ANO6: variants seen among roughly 807,000 people sequenced by gnomAD.
The protein encoded by ANO6 is anoctamin 6.
Under a neutral mutation model 117.5 loss-of-function variants are expected in ANO6, and 106 were observed. The observed-to-expected ratio is 0.90, with a 90% CI of 0.77 to 1.06. The LOEUF (loss-of-function observed/expected upper bound fraction) is 1.06. Among genes scored for constraint, ANO6 ranks in the 50% least tolerant of loss-of-function variants. The pLI is 0.00. For missense variants in ANO6, 955 were observed against 1,121.1 expected (o/e 0.85, Z 2.12); for synonymous variants, 367 against 385.1 (o/e 0.95, Z 0.55).
intron 16 of ANO6, among the ~76,000 whole-genome samples, chr12:45,411,865 C>G (rs1943094386): frequency 6.6e-6 from 1 of 152,210 alleles, no homozygotes; most frequent in Non-Finnish European, 1.5e-5. Flanking sequence ...TGCCTCTCTC[C>G]CCATTGCACC....
intron 1 of ANO6, among the ~76,000 whole-genome samples, chr12:45,279,989 G>A (rs988427245): frequency 1.3e-5 from 2 of 152,066 alleles, no homozygotes; most frequent in Non-Finnish European, 2.9e-5. Flanking sequence ...TTTTTCCTCT[G>A]GGCTATTTTC....
At chr12:45,357,012 A>G (rs1941428879) in intron 7 of ANO6, among the ~76,000 whole-genome samples, 1 of 152,198 alleles carries the variant, frequency 6.6e-6, no homozygotes, top group African/African-American at 2.4e-5. Flanking sequence ...AATACTCTGT[A>G]TTTATTCCAT....
chr12:45,309,363 A>G (rs1413718010), intron 2 of ANO6, among the ~76,000 whole-genome samples: 1 of 152,106 alleles, frequency 6.6e-6, no homozygotes, highest in East Asian at 1.9e-4. Flanking sequence ...GTTGTATTCT[A>G]TTCACATGGA....
chr12:45,399,377 G>A (rs1156752572), intron 12 of ANO6, among the ~76,000 whole-genome samples: 2 of 151,998 alleles, frequency 1.3e-5, no homozygotes, highest in South Asian at 2.1e-4. Flanking sequence ...TGTATTTTTA[G>A]TACAGTCGGG....
At chr12:45,416,476 T>C (rs1028476384) in intron 16 of ANO6, among the ~76,000 whole-genome samples, 11 of 152,250 alleles carry the variant, frequency 7.2e-5, no homozygotes, top group African/African-American at 2.7e-4. Context: ...CTATTAAGTG[T>C]ATACATGTGA....
chr12:45,420,306 A>G (rs931199683), intron 17 of ANO6, among the ~76,000 whole-genome samples: 3 of 152,194 alleles, frequency 2.0e-5, no homozygotes, highest in African/African-American at 7.2e-5. Context: ...TATTTTCATA[A>G]TGTTGACTCT....
chr12:45,315,481 C>G (rs1043944592), intron 2 of ANO6, among the ~76,000 whole-genome samples: 6 of 151,936 alleles, frequency 3.9e-5, no homozygotes, highest in African/African-American at 1.5e-4. Context: ...GACCATTTCT[C>G]TTTCTGGCCA....
intron 19 of ANO6, among the ~76,000 whole-genome samples, chr12:45,428,884 C>G (rs1188823091): frequency 6.6e-6 from 1 of 151,992 alleles, no homozygotes; most frequent in Non-Finnish European, 1.5e-5. Context: ...TGTATATATA[C>G]TTTTCTACAT....
At chr12:45,400,699 C>A (rs1246871597) in intron 12 of ANO6, among the ~76,000 whole-genome samples, 1 of 152,180 alleles carries the variant, frequency 6.6e-6, no homozygotes, top group African/African-American at 2.4e-5. Context: ...AGCTTGTACT[C>A]AAATAGAGAA....
In ANO6 at chr12:45,357,427, A is replaced by C. The variant is rs1218811977; in HGVS notation, c.998+3A>C. 1 of 1,613,218 alleles carries C rather than the reference A, an allele frequency of 6.2e-7. No individual in the cohort carries two copies. Among genetic ancestry groups the C allele is most frequent in the East Asian group, 2.2e-5 (1 of 44,882 alleles). Reference sequence around the variant, plus strand: ...AATCAAGATAACTGTACATGGAGGTAACCTCTGTTTATTCCTTGTTGCCAT... The same window carrying C: ...AATCAAGATAACTGTACATGGAGGTCACCTCTGTTTATTCCTTGTTGCCAT... On this transcript the variant is annotated splice_donor_region_variant and intron_variant, in intron 8 of 19. Transcript: ENST00000320560.
intron 1 of ANO6, 48 bp from the exon 2 acceptor site, chr12:45,301,966 C>A: frequency 1.3e-6 from 2 of 1,496,704 alleles, no homozygotes; most frequent in Middle Eastern, 1.7e-4. Context: ...ACTACGTGAG[C>A]CAGTGCAGGT....
intron 16 of ANO6, among the ~76,000 whole-genome samples, chr12:45,413,100 A>G (rs1348638457): frequency 1.3e-5 from 2 of 152,216 alleles, no homozygotes; most frequent in African/African-American, 4.8e-5. Flanking sequence ...AGAAATTAGG[A>G]TCCACTGGAA....
intron 15 of ANO6, among the ~76,000 whole-genome samples, chr12:45,408,203 C>G (rs957244712): frequency 6.6e-6 from 1 of 152,154 alleles, no homozygotes; most frequent in Admixed American, 6.5e-5. Flanking sequence ...TCATGCGATG[C>G]CTTCTCATTG....
chr12:45,353,928 A>T (rs1941346193), intron 7 of ANO6, among the ~76,000 whole-genome samples: 1 of 142,998 alleles, frequency 7.0e-6, no homozygotes, highest in African/African-American at 3.0e-5. Flanking sequence ...AGTTGAAGAA[A>T]TTATGCAGAG....
intron 2 of ANO6, among the ~76,000 whole-genome samples, chr12:45,303,378 A>G (rs1056353248): frequency 1.3e-5 from 2 of 152,210 alleles, no homozygotes; most frequent in Non-Finnish European, 2.9e-5. Context: ...GATATTTCAC[A>G]TTTGAGTATG....
At position 45,390,349 on chromosome 12, in the gene ANO6, G is replaced by T. The variant is rs7299229; in HGVS notation, c.1309-72G>T. Reference sequence around the variant, plus strand: ...TTAAAATTAATTCTAAGATTTATTGGCGAGTCAGGAGAAAAATAATTTTAT... The same window carrying T: ...TTAAAATTAATTCTAAGATTTATTGTCGAGTCAGGAGAAAAATAATTTTAT... On this transcript the variant is annotated intron_variant, in intron 11 of 19. Coordinates refer to ENST00000320560, the MANE Select transcript of ANO6 (RefSeq NM_001025356.3). 7.3e-3 allele frequency: 8,669 copies of T among 1,181,154 alleles called. 417 individuals carry two copies. In the African/African-American group the frequency reaches 0.11, roughly 15 times the overall value. The allele number at this position is 1,181,154 out of a possible 1,614,324, so 73.2% of individuals were successfully genotyped here.
intron 1 of ANO6, among the ~76,000 whole-genome samples, chr12:45,284,968 G>A (rs1938861234): frequency 6.6e-6 from 1 of 152,224 alleles, no homozygotes; most frequent in Non-Finnish European, 1.5e-5. Flanking sequence ...TAATTAACAT[G>A]TTAAGTGCAT....
intron 2 of ANO6, among the ~76,000 whole-genome samples, chr12:45,315,002 G>A (rs1002834784): frequency 2.0e-5 from 3 of 152,030 alleles, no homozygotes; most frequent in African/African-American, 7.2e-5. Flanking sequence ...TTGGGAAGTG[G>A]GAGGAGAGGA....
intron 2 of ANO6, among the ~76,000 whole-genome samples, chr12:45,320,690 G>A (rs150122575): frequency 1.1e-4 from 17 of 152,056 alleles, no homozygotes; most frequent in East Asian, 1.9e-4. Context: ...TTTCTGTCTC[G>A]TTGATCTGTC....
Sources: gnomAD v4.1 joint callset for allele counts (sites outside exome capture counted in the v4.1 genomes callset) on GRCh38, gnomAD v4.1.1 for gene constraint, MANE v1.5 for transcripts, NCBI Gene and HGNC (gene_info 2026-07-23, HGNC 2026-07-21) for gene names.